CCDC178: variants seen among roughly 807,000 people sequenced by gnomAD.
CCDC178 encodes coiled-coil domain containing 178.
A neutral mutation model predicts 117.4 loss-of-function variants in CCDC178; 126 were observed. The ratio of observed to expected loss-of-function variants is 1.07; its 90% CI spans 0.93 to 1.24. CCDC178 has a LOEUF of 1.24. CCDC178 is among the 50% of genes most tolerant of loss of function. The probability of loss-of-function intolerance (pLI) is 0.00; values close to 1 mark genes in which losing one functional copy is unlikely to be tolerated. For missense variants in CCDC178, 1,030 were observed against 986.9 expected (o/e 1.04, Z -0.59); for synonymous variants, 283 against 313.4 (o/e 0.90, Z 1.02).
rs1057027041 is a variant in CCDC178, at chr18:33,083,164, C to T, written c.2388+9597G>A. Reference sequence around the variant, plus strand: ...ATCAAGTAGATTCTGCTGTTACTCTCATTTTACAGATCAGGAACCACAGGC... The same window carrying T: ...ATCAAGTAGATTCTGCTGTTACTCTTATTTTACAGATCAGGAACCACAGGC... On this transcript the variant is annotated intron_variant, in intron 21 of 22. Coordinates refer to ENST00000383096, the MANE Select transcript of CCDC178 (RefSeq NM_001105528.4). Among the ~76,000 whole-genome samples the T allele has an allele frequency of 2.6e-5, 4 of 152,300 alleles. No individual in the cohort carries two copies. The East Asian group carries it at 7.7e-4, about 29-fold the overall frequency.
intron 21 of CCDC178, among the ~76,000 whole-genome samples, chr18:33,086,973 C>T (rs2057388400): frequency 1.3e-5 from 1 of 79,362 alleles, no homozygotes; most frequent in African/African-American, 5.3e-5. Context: ...TTGGTTGACA[C>T]ACACACACAC....
At chr18:33,264,623 G>A (rs74625560) in intron 14 of CCDC178, among the ~76,000 whole-genome samples, 1 of 152,024 alleles carries the variant, frequency 6.6e-6, no homozygotes, top group African/African-American at 2.4e-5. Flanking sequence ...CCCATAAATA[G>A]AGCTGCATTC....
intron 3 of CCDC178, among the ~76,000 whole-genome samples, chr18:33,403,960 T>C (rs527854439): frequency 6.6e-6 from 1 of 152,294 alleles, no homozygotes; most frequent in South Asian, 2.1e-4. Context: ...TTTGAATTAT[T>C]GCCAGGGTAA....
At chr18:33,165,465 C>A (rs112189955) in intron 20 of CCDC178, among the ~76,000 whole-genome samples, 35 of 152,300 alleles carry the variant, frequency 2.3e-4, no homozygotes, top group Non-Finnish European at 3.5e-4. Context: ...TGGGAACTTG[C>A]ATCCTCAGGT....
intron 9 of CCDC178, among the ~76,000 whole-genome samples, chr18:33,333,885 A>C (rs1444136753): frequency 6.6e-6 from 1 of 152,182 alleles, no homozygotes; most frequent in African/African-American, 2.4e-5. Context: ...AAAGGATTAA[A>C]ATATATGTTT....
chr18:33,421,569 CTT>C (rs1373500345), intron 2 of CCDC178, among the ~76,000 whole-genome samples: 1 of 152,010 alleles, frequency 6.6e-6, no homozygotes, highest in Non-Finnish European at 1.5e-5. Context: ...TTGTTTTTGT[CTT>C]GAGAGCTAGT....
chr18:33,022,576 A>G (rs2056144181), intron 21 of CCDC178, among the ~76,000 whole-genome samples: 1 of 152,216 alleles, frequency 6.6e-6, no homozygotes. Flanking sequence ...TAGTAAAGCT[A>G]CACAGAGATT....
Position 33,370,053 on chromosome 18 carries a change from T to C in CCDC178, c.345A>G (p.Lys115=). 6.3e-7 allele frequency: 1 copy of C among 1,580,020 alleles called. No individual in the cohort carries two copies. Among genetic ancestry groups the C allele is most frequent in the Non-Finnish European group, 8.6e-7 (1 of 1,165,870 alleles). ...DVESKIQEHL[K]RFETSFEEWS... ...GCATTTTAAATTAGTCTCTTACCCT[T>C]TTCAAATGCTCCTGTATTTTGGACT... The change falls in exon 6 of 23, where the codon AAA becomes AAG. Residue 115 remains lysine, a synonymous_variant. Coordinates refer to ENST00000383096, the MANE Select transcript of CCDC178 (RefSeq NM_001105528.4).
rs188061897 is a variant in CCDC178 at position 33,259,105 on chromosome 18, T to C, written c.1409+7811A>G. Among the ~76,000 whole-genome samples, 176 of 152,234 alleles carry C rather than the reference T, an allele frequency of 1.2e-3. 1 individual carries two copies. The highest frequency in any genetic ancestry group is 8.1e-4 in the Non-Finnish European group (55 of 68,018). ...GTTTGTAACTGTAAAAAAAAGGCTG[T>C]GCATTTTATCTTTCTAATTTTATAT... is the stretch of plus-strand genomic sequence containing the variant. On this transcript the variant is annotated intron_variant, in intron 14 of 22. Coordinates refer to ENST00000383096, the MANE Select transcript of CCDC178 (RefSeq NM_001105528.4).
chr18:33,358,920 T>C (rs749634046), intron 6 of CCDC178, among the ~76,000 whole-genome samples: 1 of 151,826 alleles, frequency 6.6e-6, no homozygotes, highest in Non-Finnish European at 1.5e-5. Flanking sequence ...AAAGATAAAT[T>C]GGCATTTTGC....
chr18:33,318,630 A>T (rs1472319741), intron 11 of CCDC178, among the ~76,000 whole-genome samples: 1 of 152,210 alleles, frequency 6.6e-6, no homozygotes, highest in Non-Finnish European at 1.5e-5. Context: ...ATGACTCAGA[A>T]TGCTCAAGAT....
At chr18:33,124,930 A>C (rs552897360) in intron 20 of CCDC178, among the ~76,000 whole-genome samples, 17 of 152,296 alleles carry the variant, frequency 1.1e-4, no homozygotes, top group Admixed American at 1.0e-3. Flanking sequence ...TAACGCTGAA[A>C]GTAGATTTCT....
At chr18:33,295,970 A>G (rs1279468036) in intron 11 of CCDC178, among the ~76,000 whole-genome samples, 1 of 152,190 alleles carries the variant, frequency 6.6e-6, no homozygotes, top group East Asian at 1.9e-4. Flanking sequence ...TGTTCACACA[A>G]AAACTTCTAC....
chr18:33,325,822 T>C (rs1230402682), intron 10 of CCDC178, among the ~76,000 whole-genome samples: 1 of 151,994 alleles, frequency 6.6e-6, no homozygotes, highest in African/African-American at 2.4e-5. Flanking sequence ...TAAATTTTCT[T>C]AAGTTTATTT....
At chr18:32,962,932 T>A (rs995366781) in intron 22 of CCDC178, among the ~76,000 whole-genome samples, 3 of 152,088 alleles carry the variant, frequency 2.0e-5, no homozygotes, top group African/African-American at 7.2e-5. Context: ...TGGTCAAGAA[T>A]GATTTACTAA....
chr18:32,938,025 C>A lies in CCDC178; in HGVS notation c.2590G>T (p.Glu864Ter). ...TGGTTGTTTGCTTAACCATCGTTTT[C>A]GCATGTGCCATCTGTCAAAGTCTGG... is the stretch of plus-strand genomic sequence containing the variant. ...FFQTLTDGTC[E>*]NDG Residue 864 changes from glutamate to a stop codon, truncating the protein, a stop_gained, in exon 23 of 23, where the codon GAA (glutamate) becomes TAA (stop). Transcript: ENST00000383096. LOFTEE classifies it high-confidence loss of function. 1.9e-6 allele frequency: 3 copies of A among 1,612,828 alleles called. No individual in the cohort carries two copies. The highest frequency in any genetic ancestry group is 2.7e-5 in the African/African-American group (2 of 74,982).
chr18:33,297,667 T>C (rs1254897083), intron 11 of CCDC178, among the ~76,000 whole-genome samples: 5 of 152,218 alleles, frequency 3.3e-5, no homozygotes, highest in African/African-American at 9.6e-5. Flanking sequence ...AGTAATAAGA[T>C]TGACTCAGTT....
chr18:33,378,090 T>G lies in CCDC178; in HGVS notation c.209-7901A>C, dbSNP rs148291768. On this transcript the variant is annotated intron_variant, in intron 5 of 22. Coordinates refer to ENST00000383096, the MANE Select transcript of CCDC178 (RefSeq NM_001105528.4). ...TTCAATCCATGAGCACGGAATATTTTTCCATTTGTCTGTGTCATCTATGAT... is the reference window on the plus strand; with the variant it reads ...TTCAATCCATGAGCACGGAATATTTGTCCATTTGTCTGTGTCATCTATGAT... 3.9e-5 allele frequency among the ~76,000 whole-genome samples: 6 copies of G among 152,384 alleles called. No individual in the cohort carries two copies. The East Asian group carries it at 1.2e-3, about 29-fold the overall frequency.
chr18:33,416,183 T>C (rs2063937728), intron 2 of CCDC178, among the ~76,000 whole-genome samples: 1 of 152,070 alleles, frequency 6.6e-6, no homozygotes, highest in Non-Finnish European at 1.5e-5. Flanking sequence ...ATCCCAGCAC[T>C]TTGGGAGGCC....
Sources: allele counts gnomAD v4.1 joint callset (sites outside exome capture counted in the v4.1 genomes callset), GRCh38; gene constraint gnomAD v4.1.1; transcripts MANE v1.5; gene names NCBI Gene and HGNC (gene_info 2026-07-23, HGNC 2026-07-21).